Variants in LHFPL3 observed in about 807,000 individuals in gnomAD.
LHFPL3 encodes the protein LHFPL tetraspan subfamily member 3 protein.
In LHFPL3, 5 loss-of-function variants were observed where a neutral mutation model predicts 19.3. The ratio of observed to expected loss-of-function variants is 0.26; its 90% CI spans 0.14 to 0.54. The LOEUF (loss-of-function observed/expected upper bound fraction) is 0.54, where lower values mean the gene tolerates loss of function less well. Ranked by LOEUF, LHFPL3 falls within the 20% of genes least tolerant of loss-of-function variation. The pLI is 0.94. For synonymous variants in LHFPL3, 133 were observed against 126.2 expected (o/e 1.05, Z -0.36); for missense variants, 249 against 307.4 (o/e 0.81, Z 1.42).
chr7:104,592,527 A>T (rs1003941376), intron 1 of LHFPL3, among the ~76,000 whole-genome samples: 1 of 152,126 alleles, frequency 6.6e-6, no homozygotes, highest in Non-Finnish European at 1.5e-5. Flanking sequence ...ACTGGGAAGT[A>T]TCTCCCAGTT....
chr7:104,818,100 A>C (rs1303392543), intron 2 of LHFPL3, among the ~76,000 whole-genome samples: 1 of 152,188 alleles, frequency 6.6e-6, no homozygotes, highest in Non-Finnish European at 1.5e-5. Flanking sequence ...AGTAAGAGGA[A>C]TCGGAAGGAT....
At chr7:104,354,965 T>TGA (rs1052476142) in intron 1 of LHFPL3, among the ~76,000 whole-genome samples, 21 of 152,356 alleles carry the variant, frequency 1.4e-4, no homozygotes, top group African/African-American at 4.8e-4. Context: ...TGTGTATATT[T>TGA]AACAATGAAA....
chr7:104,578,964 C>T (rs1342313359), intron 1 of LHFPL3, among the ~76,000 whole-genome samples: 1 of 152,134 alleles, frequency 6.6e-6, no homozygotes, highest in Non-Finnish European at 1.5e-5. Context: ...AACATCCTGT[C>T]ATCTGGCCAA....
intron 2 of LHFPL3, among the ~76,000 whole-genome samples, chr7:104,767,512 A>G (rs1048726822): frequency 2.0e-5 from 3 of 152,170 alleles, no homozygotes; most frequent in African/African-American, 4.8e-5. Context: ...TACATTTTTC[A>G]TTCCTCCAAA....
chr7:104,888,371 A>G (rs1019456137), intron 2 of LHFPL3, among the ~76,000 whole-genome samples: 44 of 152,290 alleles, frequency 2.9e-4, no homozygotes, highest in African/African-American at 1.0e-3. Context: ...TCTCTACAAA[A>G]AAAATTTAAA....
chr7:104,810,481 G>A (rs759683279), intron 2 of LHFPL3, among the ~76,000 whole-genome samples: 1 of 152,170 alleles, frequency 6.6e-6, no homozygotes, highest in Non-Finnish European at 1.5e-5. Flanking sequence ...GAACTGAGGA[G>A]AGAGGGTCAT....
In LHFPL3 at chr7:104,671,571, C is replaced by CAA. The variant is rs34805741; in HGVS notation, c.446-65090_446-65089dup. Among the ~76,000 whole-genome samples the CAA allele has an allele frequency of 3.5e-3, 437 of 125,136 alleles. 8 individuals are homozygous for CAA. Among genetic ancestry groups the CAA allele is most frequent in the African/African-American group, 8.1e-3 (252 of 30,964 alleles). The allele number at this position is 125,136 out of a possible 152,430, so 82.1% of individuals were successfully genotyped here. A position where few individuals can be genotyped will look rare whatever the true frequency, so the allele number is the denominator to read the frequency against. ...CCAAATAAATCTGATCTTTAAAGTT[C>CAA]AAAAAAAAAAAAAAAGAAAGAAATA... On this transcript the variant is annotated intron_variant, in intron 1 of 2. Coordinates refer to ENST00000424859, the MANE Select transcript of LHFPL3 (RefSeq NM_199000.3).
chr7:104,717,455 A>G (rs958862707), intron 1 of LHFPL3, among the ~76,000 whole-genome samples: 3 of 152,190 alleles, frequency 2.0e-5, no homozygotes, highest in East Asian at 3.8e-4. Flanking sequence ...CTACTACACA[A>G]TAGAGAAAAA....
rs1382440679 is a variant in LHFPL3 at position 104,667,128 on chromosome 7, T to C, written c.446-69547T>C. On this transcript the variant is annotated intron_variant, in intron 1 of 2. Transcript: ENST00000424859. Reference sequence around the variant, plus strand: ...TCATACCAGTAGTGTATAAGAGTTCTTTTTTCTCTGCATCCTCACCAGCAT... The same window carrying C: ...TCATACCAGTAGTGTATAAGAGTTCCTTTTTCTCTGCATCCTCACCAGCAT... Among the ~76,000 whole-genome samples, 4 of 152,326 alleles carry C rather than the reference T, an allele frequency of 2.6e-5. No homozygotes were observed. In the South Asian group the frequency reaches 6.2e-4, roughly 24 times the overall value.
chr7:104,641,995 C>A (rs1203109006), intron 1 of LHFPL3, among the ~76,000 whole-genome samples: 3 of 147,300 alleles, frequency 2.0e-5, no homozygotes, highest in Non-Finnish European at 4.5e-5. Flanking sequence ...CCAGACATAA[C>A]AAAATGGACA....
chr7:104,445,273 T>C (rs1792309143), intron 1 of LHFPL3, among the ~76,000 whole-genome samples: 1 of 152,150 alleles, frequency 6.6e-6, no homozygotes, highest in African/African-American at 2.4e-5. Flanking sequence ...CTTCAGTATA[T>C]AGTGATATGG....
chr7:104,430,398 A>G (rs1002885707), intron 1 of LHFPL3, among the ~76,000 whole-genome samples: 101 of 35,846 alleles, frequency 2.8e-3, no homozygotes, highest in East Asian at 3.5e-3. Context: ...ATATATATAT[A>G]TATATACATA....
At chr7:104,728,456 C>G (rs1026237214) in intron 1 of LHFPL3, among the ~76,000 whole-genome samples, 8 of 152,168 alleles carry the variant, frequency 5.3e-5, no homozygotes, top group South Asian at 2.1e-4. Context: ...TTCTCCATCC[C>G]AGTAACTGAT....
chr7:104,518,089 G>A (rs1056859922), intron 1 of LHFPL3, among the ~76,000 whole-genome samples: 1 of 152,080 alleles, frequency 6.6e-6, no homozygotes, highest in African/African-American at 2.4e-5. Context: ...ATTAGTCTAG[G>A]CTTACATGAA....
chr7:104,700,848 A>G (rs1412572243), intron 1 of LHFPL3, among the ~76,000 whole-genome samples: 1 of 152,018 alleles, frequency 6.6e-6, no homozygotes, highest in Non-Finnish European at 1.5e-5. Context: ...ATTCTGTCCA[A>G]TTGCTTTCTT....
chr7:104,358,369 G>T (rs1051310307), intron 1 of LHFPL3, among the ~76,000 whole-genome samples: 7 of 152,190 alleles, frequency 4.6e-5, no homozygotes, highest in African/African-American at 1.7e-4. Flanking sequence ...TCTGACCACA[G>T]TGGGCTCGAA....
chr7:104,379,656 A>T (rs962784330), intron 1 of LHFPL3, among the ~76,000 whole-genome samples: 2 of 152,224 alleles, frequency 1.3e-5, no homozygotes, highest in African/African-American at 4.8e-5. Flanking sequence ...TGCATCAGTC[A>T]ATGCTCCTAG....
intron 2 of LHFPL3, among the ~76,000 whole-genome samples, chr7:104,843,910 T>C (rs1791261751): frequency 6.6e-6 from 1 of 152,154 alleles, no homozygotes; most frequent in Non-Finnish European, 1.5e-5. Flanking sequence ...CCCATCTACA[T>C]GAGCAAATGC....
intron 1 of LHFPL3, among the ~76,000 whole-genome samples, chr7:104,459,608 C>T (rs530016296): frequency 6.6e-6 from 1 of 152,184 alleles, no homozygotes; most frequent in African/African-American, 2.4e-5. Context: ...TTGTTCCTAG[C>T]TGTGTAACAC....
Sources: gnomAD v4.1 joint callset for allele counts (sites outside exome capture counted in the v4.1 genomes callset) on GRCh38, gnomAD v4.1.1 for gene constraint, MANE v1.5 for transcripts, NCBI Gene and HGNC (gene_info 2026-07-23, HGNC 2026-07-21) for gene names.